The following CENPQ variants were observed in gnomAD, a reference collection of about 807,000 sequenced individuals.
CENPQ encodes centromere protein Q.
Under a neutral mutation model 36.6 loss-of-function variants are expected in CENPQ, and 27 were observed. The observed-to-expected ratio is 0.74, with a 90% CI of 0.54 to 1.02. The LOEUF (loss-of-function observed/expected upper bound fraction) is 1.02. Ranked by LOEUF, CENPQ falls within the 50% of genes least tolerant of loss-of-function variation. The pLI, the probability that CENPQ is intolerant of heterozygous loss-of-function variation, is 0.00. For synonymous variants in CENPQ, 101 were observed against 101.7 expected, an observed-to-expected ratio of 0.99 and a Z score of 0.04; for missense variants, 306 against 301.8, an observed-to-expected ratio of 1.01 and a Z score of -0.10.
chr6:49,482,977 A>C (rs988433629), intron 6 of CENPQ, among the ~76,000 whole-genome samples: 2 of 152,126 alleles, frequency 1.3e-5, no homozygotes, highest in Non-Finnish European at 2.9e-5. Flanking sequence ...AGAGCAAAAG[A>C]ACAAAGCTTC....
At chr6:49,481,411 TCCTC>T (rs1768425253) in intron 6 of CENPQ, among the ~76,000 whole-genome samples, 1 of 152,050 alleles carries the variant, frequency 6.6e-6, no homozygotes. Context: ...TGGAATTTGT[TCCTC>T]CCGGTGGGTT....
chr6:49,468,823 C>T (rs965220629), intron 1 of CENPQ, among the ~76,000 whole-genome samples: 1 of 152,216 alleles, frequency 6.6e-6, no homozygotes, highest in African/African-American at 2.4e-5. Flanking sequence ...CTTGTCCCTT[C>T]ACCTGGATGC....
At chr6:49,481,452 G>C (rs1242605192) in intron 6 of CENPQ, among the ~76,000 whole-genome samples, 2 of 152,160 alleles carry the variant, frequency 1.3e-5, no homozygotes, top group African/African-American at 4.8e-5. Flanking sequence ...CAGGAGTGAA[G>C]CTGCAGACCT....
rs1768744041 is a variant in CENPQ at position 49,492,369 on chromosome 6, T to G, written c.*94T>G. ...TGATTATATGTACAGAGGCTAAGGC[T>G]TCTGCAGGATTTATTATCTCCTGAT... On this transcript the variant is annotated 3_prime_UTR_variant, in exon 9 of 9. Transcript: ENST00000335783. 9.3e-7 allele frequency: 1 copy of G among 1,072,118 alleles called. No homozygotes were observed. Among genetic ancestry groups the G allele is most frequent in the East Asian group, 2.7e-5 (1 of 37,474 alleles). The allele number at this position is 1,072,118 out of a possible 1,614,324, so 66.4% of individuals were successfully genotyped here.
At chr6:49,478,316 C>T (rs978025506) in intron 5 of CENPQ, among the ~76,000 whole-genome samples, 2 of 151,908 alleles carry the variant, frequency 1.3e-5, no homozygotes, top group Non-Finnish European at 2.9e-5. Flanking sequence ...TGTAAGAAGC[C>T]CTGCAGTAAA....
chr6:49,484,175 C>A (rs1768524146), intron 6 of CENPQ, among the ~76,000 whole-genome samples: 1 of 152,198 alleles, frequency 6.6e-6, no homozygotes, highest in Non-Finnish European at 1.5e-5. Context: ...AGACACTGTT[C>A]TAAGCACTTT....
At chr6:49,469,311 T>C (rs868463939) in intron 1 of CENPQ, among the ~76,000 whole-genome samples, 4 of 152,246 alleles carry the variant, frequency 2.6e-5, no homozygotes, top group Admixed American at 6.5e-5. Flanking sequence ...ATGGCTAATA[T>C]GTGTATATGT....
At chr6:49,469,725 G>A (rs568152713) in intron 1 of CENPQ, among the ~76,000 whole-genome samples, 8 of 152,122 alleles carry the variant, frequency 5.3e-5, no homozygotes, top group Admixed American at 3.3e-4. Context: ...ATTGGGTAAT[G>A]GTAAATTTAT....
At position 49,470,317 on chromosome 6, in the gene CENPQ, A is replaced by G. The variant is rs369160146; in HGVS notation, c.102+39A>G. 3.0e-6 allele frequency: 4 copies of G among 1,338,678 alleles called. No homozygotes were observed. In the East Asian group the frequency reaches 7.2e-5, roughly 24 times the overall value. 82.9% of individuals were successfully genotyped at this position (1,338,678 alleles called of 1,614,324 possible). A position where few individuals can be genotyped will look rare whatever the true frequency, so the allele number is the denominator to read the frequency against. ...CAAGTTTCTCATTTAGAAATCTTCA[A>G]CTGTGGCCAAGCACTATGGCTCATG... On this transcript the variant is annotated intron_variant, in intron 2 of 8. Coordinates refer to ENST00000335783, the MANE Select transcript of CENPQ (RefSeq NM_018132.4).
At chr6:49,476,211 G>C (rs949911848) in intron 5 of CENPQ, among the ~76,000 whole-genome samples, 4 of 152,126 alleles carry the variant, frequency 2.6e-5, no homozygotes, top group Non-Finnish European at 5.9e-5. Context: ...CCATGGTACT[G>C]GTACCAAAAC....
At chr6:49,463,722 C>T (rs1432337230) in intron 1 of CENPQ, among the ~76,000 whole-genome samples, 4 of 152,138 alleles carry the variant, frequency 2.6e-5, no homozygotes, top group Non-Finnish European at 4.4e-5. Flanking sequence ...ATTTCTCCCG[C>T]GGGCACTAGT....
chr6:49,482,854 G>A (rs894434819), intron 6 of CENPQ, among the ~76,000 whole-genome samples: 1 of 152,188 alleles, frequency 6.6e-6, no homozygotes, highest in Non-Finnish European at 1.5e-5. Context: ...TCCTCCCAGT[G>A]GGTTCGTGGT....
intron 1 of CENPQ, among the ~76,000 whole-genome samples, chr6:49,466,327 G>T (rs1767999148): frequency 6.6e-6 from 1 of 152,206 alleles, no homozygotes; most frequent in Non-Finnish European, 1.5e-5. Flanking sequence ...GAAATGTGAA[G>T]AGTGAGCACA....
intron 3 of CENPQ, among the ~76,000 whole-genome samples, chr6:49,471,641 A>C (rs903416601): frequency 1.3e-5 from 2 of 152,124 alleles, no homozygotes; most frequent in South Asian, 2.1e-4. Flanking sequence ...ATACCTAATA[A>C]GTAGAACAGT....
At chr6:49,481,377 T>TA (rs1335226219) in intron 6 of CENPQ, among the ~76,000 whole-genome samples, 2 of 152,102 alleles carry the variant, frequency 1.3e-5, no homozygotes, top group African/African-American at 4.8e-5. Context: ...TGGTGAGTGT[T>TA]ACAGTTCTTA....
intron 6 of CENPQ, among the ~76,000 whole-genome samples, chr6:49,485,222 A>G (rs758428853): frequency 6.6e-6 from 1 of 152,198 alleles, no homozygotes; most frequent in Non-Finnish European, 1.5e-5. Flanking sequence ...GCCTAGAGTC[A>G]TTGCTGGTGA....
intron 1 of CENPQ, among the ~76,000 whole-genome samples, 187 bp downstream of exon 1, chr6:49,463,640 G>A (rs897229524): frequency 2.0e-5 from 3 of 152,112 alleles, no homozygotes; most frequent in Admixed American, 6.6e-5. Flanking sequence ...GTTTGATTAG[G>A]GGGGAGGGAG....
chr6:49,468,256 C>T (rs1768047631), intron 1 of CENPQ, among the ~76,000 whole-genome samples: 1 of 151,784 alleles, frequency 6.6e-6, no homozygotes, highest in Admixed American at 6.6e-5. Context: ...GTTTCAGTTC[C>T]TCTCGGTGTT....
Position 49,472,181 on chromosome 6 carries a change from A to G in CENPQ, c.276A>G (p.Ile92Met). The change falls in exon 4 of 9, where the codon ATA (isoleucine) becomes ATG (methionine). Residue 92 changes from isoleucine to methionine, a missense_variant and splice_region_variant. By Grantham distance (10) the Ile-to-Met change is conservative (BLOSUM62 1). Transcript: ENST00000335783. ...DHLQTMMESVIMTILSNSIKE... is the reference protein window; with the variant it reads ...DHLQTMMESVMMTILSNSIKE... ...TGCAAACTATGATGGAATCAGTAAT[A>G]ATGTGAGTATAAAATTGTTCCATTT... The G allele has an allele frequency of 1.2e-6, 2 of 1,604,170 alleles. No individual in the cohort carries two copies. The highest frequency in any genetic ancestry group is 8.5e-7 in the Non-Finnish European group (1 of 1,175,834).
Sources: allele counts gnomAD v4.1 joint callset (sites outside exome capture counted in the v4.1 genomes callset), GRCh38; gene constraint gnomAD v4.1.1; transcripts MANE v1.5; gene names NCBI Gene and HGNC (gene_info 2026-07-23, HGNC 2026-07-21).